PRKCB: variants seen among roughly 807,000 people sequenced by gnomAD.
PRKCB encodes protein kinase C beta.
A neutral mutation model predicts 81.5 loss-of-function variants in PRKCB; 13 were observed. The ratio of observed to expected loss-of-function variants is 0.16; its 90% CI spans 0.10 to 0.25. The LOEUF (loss-of-function observed/expected upper bound fraction) is 0.25. PRKCB is among the 10% of genes least tolerant of loss of function. PRKCB has a pLI of 1.00. For missense variants in PRKCB, 509 were observed against 875.7 expected (o/e 0.58, Z 5.29); for synonymous variants, 335 against 321.4 (o/e 1.04, Z -0.45).
intron 3 of PRKCB, among the ~76,000 whole-genome samples, chr16:24,018,089 C>T (rs901182131): frequency 6.6e-5 from 10 of 151,746 alleles, no homozygotes; most frequent in Non-Finnish European, 1.0e-4. Context: ...TTAGTAGAGA[C>T]GGGGTTTCAC....
intron 2 of PRKCB, among the ~76,000 whole-genome samples, chr16:23,880,516 TG>T (rs1390640026): frequency 1.6e-4 from 25 of 152,286 alleles, no homozygotes; most frequent in African/African-American, 5.8e-4. Flanking sequence ...TGGGTCTCTG[TG>T]GGTGTCTGAC....
At chr16:24,077,303 G>A (rs1966190230) in intron 5 of PRKCB, among the ~76,000 whole-genome samples, 1 of 152,066 alleles carries the variant, frequency 6.6e-6, no homozygotes, top group Admixed American at 6.6e-5. Flanking sequence ...TAAGAAAATG[G>A]AAAGGATGCC....
intron 9 of PRKCB, among the ~76,000 whole-genome samples, chr16:24,153,924 T>G (rs1169509691): frequency 6.6e-6 from 1 of 152,234 alleles, no homozygotes; most frequent in Non-Finnish European, 1.5e-5. Context: ...ATACTTGAAT[T>G]AATAAAGGAA....
At chr16:24,012,781 TC>T (rs2141838603) in intron 3 of PRKCB, among the ~76,000 whole-genome samples, 1 of 152,350 alleles carries the variant, frequency 6.6e-6, no homozygotes, top group Non-Finnish European at 1.5e-5. Context: ...GATATGATTG[TC>T]CTACTCATGA....
intron 7 of PRKCB, among the ~76,000 whole-genome samples, chr16:24,107,223 T>C (rs1345997361): frequency 6.6e-6 from 1 of 152,242 alleles, no homozygotes; most frequent in African/African-American, 2.4e-5. Flanking sequence ...ACTGCAAATA[T>C]GAATTAGGTA....
chr16:24,170,373 A>G (rs972282858), intron 10 of PRKCB, among the ~76,000 whole-genome samples: 5 of 152,158 alleles, frequency 3.3e-5, no homozygotes, highest in Non-Finnish European at 5.9e-5. Flanking sequence ...GGCTTTCATG[A>G]AAGAGTATAA....
chr16:24,109,328 G>T (rs1479385148), intron 7 of PRKCB, among the ~76,000 whole-genome samples: 2 of 97,074 alleles, frequency 2.1e-5, no homozygotes, highest in African/African-American at 9.9e-5. Context: ...CTGCCGGGCG[G>T]AGACGCTCCT....
chr16:23,919,224 C>A (rs1963787928), intron 2 of PRKCB, among the ~76,000 whole-genome samples: 1 of 152,164 alleles, frequency 6.6e-6, no homozygotes, highest in Non-Finnish European at 1.5e-5. Flanking sequence ...GAGAAAATTT[C>A]TGCACAAAAG....
At chr16:24,114,115 AG>A (rs769397527) in intron 8 of PRKCB, among the ~76,000 whole-genome samples, 1 of 150,794 alleles carries the variant, frequency 6.6e-6, no homozygotes, top group Non-Finnish European at 1.5e-5. Context: ...GCTACTCGGA[AG>A]GCTGAGGCAC....
At chr16:24,045,815 A>T (rs1390951254) in intron 5 of PRKCB, among the ~76,000 whole-genome samples, 5 of 152,268 alleles carry the variant, frequency 3.3e-5, no homozygotes, top group African/African-American at 1.2e-4. Flanking sequence ...GCTGCAGAGG[A>T]TCGCAGTGAG....
At chr16:24,138,774 C>T (rs1966874752) in intron 9 of PRKCB, among the ~76,000 whole-genome samples, 2 of 151,956 alleles carry the variant, frequency 1.3e-5, no homozygotes, top group African/African-American at 4.8e-5. Context: ...CTAGCAACCA[C>T]CATTCTGCTC....
intron 16 of PRKCB, among the ~76,000 whole-genome samples, chr16:24,213,783 C>CCATG: frequency 6.6e-6 from 1 of 152,162 alleles, no homozygotes; most frequent in South Asian, 2.1e-4. Flanking sequence ...GTGTGAGCAC[C>CCATG]CATGCATGCA....
intron 3 of PRKCB, among the ~76,000 whole-genome samples, chr16:23,997,475 G>T (rs1197128753): frequency 1.3e-5 from 2 of 152,156 alleles, no homozygotes; most frequent in Non-Finnish European, 2.9e-5. Flanking sequence ...TACAGAATAG[G>T]TAATAGAAGA....
chr16:23,966,829 G>A (rs1444780722), intron 2 of PRKCB, among the ~76,000 whole-genome samples: 3 of 152,106 alleles, frequency 2.0e-5, no homozygotes, highest in Non-Finnish European at 4.4e-5. Flanking sequence ...AGAATGAACC[G>A]GGCAAAATTC....
At chr16:23,922,896 T>G (rs1963846068) in intron 2 of PRKCB, among the ~76,000 whole-genome samples, 2 of 150,568 alleles carry the variant, frequency 1.3e-5, no homozygotes, top group South Asian at 2.1e-4. Context: ...GCATTTAATT[T>G]AGGTAGCCAG....
At chr16:24,069,148 G>A (rs1966076848) in intron 5 of PRKCB, among the ~76,000 whole-genome samples, 1 of 152,122 alleles carries the variant, frequency 6.6e-6, no homozygotes, top group Non-Finnish European at 1.5e-5. Context: ...TGATCTGCCA[G>A]GATCTCTGGG....
intron 2 of PRKCB, among the ~76,000 whole-genome samples, chr16:23,947,731 TGAA>T (rs1396011952): frequency 6.6e-6 from 1 of 151,980 alleles, no homozygotes; most frequent in East Asian, 1.9e-4. Flanking sequence ...CCCAGAGAGA[TGAA>T]GAATGATTGG....
intron 3 of PRKCB, among the ~76,000 whole-genome samples, chr16:24,019,387 C>T (rs1359005930): frequency 6.6e-6 from 1 of 152,092 alleles, no homozygotes; most frequent in Non-Finnish European, 1.5e-5. Flanking sequence ...TAACTTATTG[C>T]ACCTCGCTTT....
chr16:24,196,622 A>T (rs920425579), intron 16 of PRKCB, among the ~76,000 whole-genome samples: 7 of 152,184 alleles, frequency 4.6e-5, no homozygotes, highest in Admixed American at 1.3e-4. Context: ...TGCATGCACG[A>T]GTCACCTGGG....
Sources: gnomAD v4.1 joint callset for allele counts (sites outside exome capture counted in the v4.1 genomes callset) on GRCh38, gnomAD v4.1.1 for gene constraint, MANE v1.5 for transcripts, NCBI Gene and HGNC (gene_info 2026-07-23, HGNC 2026-07-21) for gene names.